Variants in ADAM12 observed in about 807,000 individuals in gnomAD.
ADAM12 encodes ADAM metallopeptidase domain 12.
Under a neutral mutation model 106.4 loss-of-function variants are expected in ADAM12, and 70 were observed. That is an observed-to-expected ratio of 0.66 (90% CI 0.54 to 0.80). ADAM12 has a LOEUF of 0.80. ADAM12 is among the 30% of genes least tolerant of loss of function. ADAM12 has a pLI of 0.00. For missense variants in ADAM12, 1,010 were observed against 1,171.9 expected (o/e 0.86, Z 2.02); for synonymous variants, 420 against 433.5 (o/e 0.97, Z 0.39).
In ADAM12 at chr10:126,256,906, G is replaced by A. The variant is rs577457238; in HGVS notation, c.260+22009C>T. 4.7e-3 allele frequency among the ~76,000 whole-genome samples: 339 copies of A among 71,786 alleles called. 1 individual carries two copies. The highest frequency in any genetic ancestry group is 0.016 in the African/African-American group (326 of 20,602). The allele number at this position is 71,786 out of a possible 152,430, so 47.1% of individuals were successfully genotyped here. On this transcript the variant is annotated intron_variant, in intron 3 of 22. Transcript: ENST00000448723. ...AATACTGTTCCTGCACCTTTGGATG[G>A]GAATAATAATAATAATGATGATGAT... is the stretch of plus-strand genomic sequence containing the variant.
At chr10:126,366,641 T>G (rs1855921309) in intron 1 of ADAM12, among the ~76,000 whole-genome samples, 1 of 151,932 alleles carries the variant, frequency 6.6e-6, no homozygotes, top group Non-Finnish European at 1.5e-5. Context: ...CAGAAAAGAT[T>G]AAAATGCAAA....
intron 1 of ADAM12, among the ~76,000 whole-genome samples, chr10:126,373,793 A>G (rs1856191804): frequency 6.6e-6 from 1 of 152,222 alleles, no homozygotes; most frequent in South Asian, 2.1e-4. Flanking sequence ...GAAAGAAGGG[A>G]AAGGAAATTA....
chr10:126,124,152 T>C (rs1040148568), intron 5 of ADAM12, among the ~76,000 whole-genome samples: 6 of 152,168 alleles, frequency 3.9e-5, no homozygotes, highest in Non-Finnish European at 8.8e-5. Flanking sequence ...TGTAATAAGA[T>C]GATGATTAGA....
Position 126,125,177 on chromosome 10 carries a change from C to T in ADAM12, c.417-6953G>A, listed in dbSNP as rs1956182972. Reference sequence around the variant, plus strand: ...AAAACTCTGGACCTATCAGCAGTCACTCTTGATCCTTCATGGCCCCCATGA... The same window carrying T: ...AAAACTCTGGACCTATCAGCAGTCATTCTTGATCCTTCATGGCCCCCATGA... On this transcript the variant is annotated intron_variant, in intron 5 of 22. Coordinates refer to ENST00000448723, the MANE Select transcript of ADAM12 (RefSeq NM_001288973.2). Among the ~76,000 whole-genome samples the T allele has an allele frequency of 4.6e-5, 7 of 151,930 alleles. No homozygotes were observed. The South Asian group carries it at 1.5e-3, about 32-fold the overall frequency.
chr10:126,249,493 A>T (rs1958701981), intron 3 of ADAM12, among the ~76,000 whole-genome samples: 1 of 152,198 alleles, frequency 6.6e-6, no homozygotes, highest in Non-Finnish European at 1.5e-5. Context: ...AGGTCAGGAG[A>T]TCAAGACCAT....
At chr10:126,338,423 T>C (rs1854793788) in intron 1 of ADAM12, among the ~76,000 whole-genome samples, 1 of 151,402 alleles carries the variant, frequency 6.6e-6, no homozygotes, top group Non-Finnish European at 1.5e-5. Flanking sequence ...CGGCTAATTT[T>C]TTGTATTTTT....
intron 11 of ADAM12, among the ~76,000 whole-genome samples, chr10:126,075,159 A>C (rs1955075198): frequency 6.6e-6 from 1 of 152,210 alleles, no homozygotes; most frequent in South Asian, 2.1e-4. Context: ...TTATTGTTCA[A>C]GAACTTACTT....
chr10:126,187,211 C>A (rs1354933462), intron 3 of ADAM12, among the ~76,000 whole-genome samples: 1 of 152,064 alleles, frequency 6.6e-6, no homozygotes, highest in East Asian at 1.9e-4. Flanking sequence ...AATACAGATA[C>A]AATACAGGAC....
At chr10:126,088,282 A>G (rs898323) in intron 11 of ADAM12, among the ~76,000 whole-genome samples, 108,155 of 151,928 alleles carry the variant, frequency 0.71, 39,160 homozygotes, top group African/African-American at 0.84. Context: ...TACACAGTAA[A>G]TACTAGTGGA....
chr10:126,366,253 T>C (rs149313466), intron 1 of ADAM12, among the ~76,000 whole-genome samples: 27 of 152,178 alleles, frequency 1.8e-4, no homozygotes, highest in African/African-American at 6.0e-4. Context: ...TGTGTAAAAA[T>C]GACAGATGAA....
At chr10:126,268,412 T>C (rs576367086) in intron 3 of ADAM12, among the ~76,000 whole-genome samples, 2 of 152,310 alleles carry the variant, frequency 1.3e-5, no homozygotes, top group East Asian at 3.9e-4. Flanking sequence ...TTTTGGCCAT[T>C]GTGAATGCCG....
At chr10:126,319,560 A>C (rs1590775845) in intron 2 of ADAM12, among the ~76,000 whole-genome samples, 1 of 152,312 alleles carries the variant, frequency 6.6e-6, no homozygotes, top group East Asian at 1.9e-4. Context: ...ATCAAGGACA[A>C]GGAAGGCCCA....
At chr10:126,289,921 C>G (rs11591463) in intron 2 of ADAM12, among the ~76,000 whole-genome samples, 30,799 of 152,070 alleles carry the variant, frequency 0.2, 3,558 homozygotes, top group South Asian at 0.34. Context: ...ATGTGCTAAC[C>G]CTTGGAATGT....
intron 4 of ADAM12, among the ~76,000 whole-genome samples, chr10:126,153,070 A>T (rs559025612): frequency 2.6e-5 from 4 of 152,182 alleles, no homozygotes; most frequent in Admixed American, 6.5e-5. Flanking sequence ...TTTCCTTCCT[A>T]CTGAGCTATT....
chr10:126,248,467 G>A (rs1322061642), intron 3 of ADAM12, among the ~76,000 whole-genome samples: 6 of 152,056 alleles, frequency 3.9e-5, no homozygotes, highest in South Asian at 2.1e-4. Context: ...TCGAGGCAAC[G>A]TGACTTTTGT....
chr10:126,051,670 C>G (rs1186936383), intron 14 of ADAM12, among the ~76,000 whole-genome samples: 3 of 151,828 alleles, frequency 2.0e-5, no homozygotes, highest in Non-Finnish European at 2.9e-5. Flanking sequence ...CCCATCCATC[C>G]AGCCAGCCAG....
rs181365665 is a variant in ADAM12, at chr10:126,136,383, G to T, written c.340-723C>A. 2.6e-4 allele frequency among the ~76,000 whole-genome samples: 39 copies of T among 152,268 alleles called. 1 individual carries two copies. The East Asian group carries it at 7.0e-3, about 27-fold the overall frequency. On this transcript the variant is annotated intron_variant, in intron 4 of 22. Transcript: ENST00000448723. ...GGTTATGCTGCAGCCCCAATTAAGTGGCAGACTGGCAAGAAGTGGCTGAGT... is the reference window on the plus strand; with the variant it reads ...GGTTATGCTGCAGCCCCAATTAAGTTGCAGACTGGCAAGAAGTGGCTGAGT...
chr10:126,109,684 G>A (rs1172487974), intron 7 of ADAM12, 91 bp downstream of exon 7: 2 of 1,099,376 alleles, frequency 1.8e-6, no homozygotes, highest in Non-Finnish European at 2.7e-6. Flanking sequence ...TAGGAAATGA[G>A]GTTCATTAAA....
intron 4 of ADAM12, among the ~76,000 whole-genome samples, chr10:126,152,284 T>C (rs1237326968): frequency 6.6e-6 from 1 of 152,066 alleles, no homozygotes; most frequent in African/African-American, 2.4e-5. Context: ...AATGCTTTTT[T>C]GTTTTGTTTC....
Sources: allele counts gnomAD v4.1 joint callset (sites outside exome capture counted in the v4.1 genomes callset), GRCh38; gene constraint gnomAD v4.1.1; transcripts MANE v1.5; gene names NCBI Gene and HGNC (gene_info 2026-07-23, HGNC 2026-07-21).